Variants in GALNTL6 observed in about 807,000 individuals in gnomAD.
GALNTL6 encodes polypeptide N-acetylgalactosaminyltransferase-like 6.
In GALNTL6, 46 loss-of-function variants were observed where a neutral mutation model predicts 73.7. The observed-to-expected ratio is 0.62, with a 90% CI of 0.49 to 0.80. The LOEUF is 0.80. Ranked by LOEUF, GALNTL6 falls within the 30% of genes least tolerant of loss-of-function variation. GALNTL6 has a pLI of 0.00. For missense variants in GALNTL6, 604 were observed against 755.0 expected (o/e 0.80, Z 2.34); for synonymous variants, 259 against 263.7 (o/e 0.98, Z 0.17).
At chr4:172,384,417 A>G (rs1016509847) in intron 5 of GALNTL6, among the ~76,000 whole-genome samples, 1 of 150,908 alleles carries the variant, frequency 6.6e-6, no homozygotes, top group African/African-American at 2.4e-5. Context: ...TTCCCTCTTA[A>G]TTTTTTTTTA....
In GALNTL6 at chr4:172,152,909, C is replaced by T. The variant is rs578149345; in HGVS notation, c.139-76747C>T. ...ACAGGCGTGAGCCACCGTGCCAGAC[C>T]GGAAATGCAACTCTTTATAAAGTGT... On this transcript the variant is annotated intron_variant, in intron 2 of 12. Transcript: ENST00000506823. 6.6e-4 allele frequency among the ~76,000 whole-genome samples: 100 copies of T among 152,202 alleles called. 4 individuals are homozygous for T. In the South Asian group the frequency reaches 0.02, roughly 30 times the overall value.
At chr4:172,577,159 T>G (rs1446514973) in intron 5 of GALNTL6, among the ~76,000 whole-genome samples, 1 of 152,200 alleles carries the variant, frequency 6.6e-6, no homozygotes, top group Non-Finnish European at 1.5e-5. Context: ...TGGGTGACCT[T>G]AAATAATTGT....
chr4:172,337,147 A>G (rs919286081), intron 4 of GALNTL6, among the ~76,000 whole-genome samples: 2 of 151,700 alleles, frequency 1.3e-5, no homozygotes, highest in Admixed American at 6.6e-5. Flanking sequence ...TTTCACTTTA[A>G]GCTTATGGGT....
At chr4:172,524,242 T>G (rs564121230) in intron 5 of GALNTL6, among the ~76,000 whole-genome samples, 1 of 151,284 alleles carries the variant, frequency 6.6e-6, no homozygotes, top group African/African-American at 2.4e-5. Context: ...TTTTTGCTCA[T>G]TTATTTATTT....
chr4:173,031,589 C>T (rs1223759830), intron 12 of GALNTL6, among the ~76,000 whole-genome samples: 1 of 151,760 alleles, frequency 6.6e-6, no homozygotes, highest in African/African-American at 2.4e-5. Flanking sequence ...TTCACTATCT[C>T]TTCAGGTTGC....
intron 2 of GALNTL6, among the ~76,000 whole-genome samples, chr4:171,889,091 A>C (rs961726905): frequency 6.6e-6 from 1 of 152,086 alleles, no homozygotes; most frequent in Non-Finnish European, 1.5e-5. Context: ...AGTATTTAGC[A>C]GCTGTTAAAT....
chr4:172,565,915 G>A (rs550342987), intron 5 of GALNTL6, among the ~76,000 whole-genome samples: 1 of 152,062 alleles, frequency 6.6e-6, no homozygotes, highest in East Asian at 1.9e-4. Flanking sequence ...TAGTCTTTAA[G>A]CCCAAAACTG....
At chr4:172,295,720 C>T (rs1739649675) in intron 3 of GALNTL6, among the ~76,000 whole-genome samples, 1 of 151,332 alleles carries the variant, frequency 6.6e-6, no homozygotes. Context: ...ACAACACTCC[C>T]CCTCTACCCC....
At chr4:172,461,853 A>T (rs1361671046) in intron 5 of GALNTL6, among the ~76,000 whole-genome samples, 1 of 152,218 alleles carries the variant, frequency 6.6e-6, no homozygotes, top group Non-Finnish European at 1.5e-5. Context: ...CCAGATAGCC[A>T]GTAAAACATT....
intron 5 of GALNTL6, among the ~76,000 whole-genome samples, chr4:172,456,583 A>G (rs1732407185): frequency 6.6e-6 from 1 of 151,822 alleles, no homozygotes; most frequent in East Asian, 2.0e-4. Context: ...AAATCGATCA[A>G]GCAGAAGAAA....
chr4:172,839,418 T>C (rs1442958599), intron 7 of GALNTL6, among the ~76,000 whole-genome samples: 2 of 152,258 alleles, frequency 1.3e-5, no homozygotes, highest in African/African-American at 4.8e-5. Flanking sequence ...GGAAACTGAC[T>C]AATTTAAATA....
At chr4:172,183,260 A>T (rs1560958371) in intron 2 of GALNTL6, among the ~76,000 whole-genome samples, 1 of 152,228 alleles carries the variant, frequency 6.6e-6, no homozygotes, top group African/African-American at 2.4e-5. Context: ...CAGAATGCAT[A>T]AAAAACGATG....
intron 2 of GALNTL6, among the ~76,000 whole-genome samples, chr4:172,205,950 A>C (rs1012227564): frequency 3.3e-5 from 5 of 152,226 alleles, no homozygotes; most frequent in Admixed American, 6.5e-5. Context: ...AACTAGGTGA[A>C]AAATGCATTC....
chr4:172,682,477 A>G (rs1014567216), intron 5 of GALNTL6, among the ~76,000 whole-genome samples: 2 of 152,236 alleles, frequency 1.3e-5, no homozygotes, highest in African/African-American at 4.8e-5. Flanking sequence ...TGTCTGTAAT[A>G]AAGACTTTGT....
intron 3 of GALNTL6, among the ~76,000 whole-genome samples, chr4:172,282,148 T>A (rs1285883136): frequency 6.6e-6 from 1 of 152,208 alleles, no homozygotes; most frequent in Non-Finnish European, 1.5e-5. Flanking sequence ...GGGGACTTAT[T>A]CACAGTATAT....
At chr4:172,060,096 T>C (rs536216166) in intron 2 of GALNTL6, among the ~76,000 whole-genome samples, 16 of 152,316 alleles carry the variant, frequency 1.1e-4, no homozygotes, top group African/African-American at 3.8e-4. Context: ...TTTTTTCTTC[T>C]AAGGATATCT....
intron 5 of GALNTL6, among the ~76,000 whole-genome samples, chr4:172,527,433 C>T (rs1734997016): frequency 2.0e-5 from 3 of 152,178 alleles, no homozygotes; most frequent in Admixed American, 6.5e-5. Context: ...CTGAAATACC[C>T]GTAAAAGATA....
At chr4:172,046,695 C>T (rs1303029391) in intron 2 of GALNTL6, among the ~76,000 whole-genome samples, 1 of 151,952 alleles carries the variant, frequency 6.6e-6, no homozygotes, top group Non-Finnish European at 1.5e-5. Flanking sequence ...TATTCAGGCC[C>T]CTTGTCATAT....
chr4:173,001,999 CA>C, intron 10 of GALNTL6, among the ~76,000 whole-genome samples: 1 of 152,310 alleles, frequency 6.6e-6, no homozygotes, highest in South Asian at 2.1e-4. Flanking sequence ...TAGGACCCAG[CA>C]ATTTCATTCC....
Sources: allele counts gnomAD v4.1 joint callset (sites outside exome capture counted in the v4.1 genomes callset), GRCh38; gene constraint gnomAD v4.1.1; transcripts MANE v1.5; gene names NCBI Gene and HGNC (gene_info 2026-07-23, HGNC 2026-07-21).